Variants in SLC26A11 observed in about 807,000 individuals in gnomAD.
The protein encoded by SLC26A11 is solute carrier family 26 member 11, also known as sodium-independent sulfate anion transporter.
SLC26A11 carries 58 observed loss-of-function variants against 62.2 expected under a neutral mutation model. The observed-to-expected ratio is 0.93, with a 90% CI of 0.76 to 1.16. The LOEUF (loss-of-function observed/expected upper bound fraction) is 1.16, where lower values mean the gene tolerates loss of function less well. Among genes scored for constraint, SLC26A11 ranks in the 50% most tolerant of loss-of-function variants. The probability of loss-of-function intolerance (pLI) is 0.00; values close to 1 mark genes in which losing one functional copy is unlikely to be tolerated. For synonymous variants in SLC26A11, 411 were observed against 368.9 expected, an observed-to-expected ratio of 1.11 and a Z score of -1.31; for missense variants, 790 against 794.3, an observed-to-expected ratio of 0.99 and a Z score of 0.06.
chr17:80,234,314 T>C (rs1335448639), intron 7 of SLC26A11, among the ~76,000 whole-genome samples: 1 of 152,216 alleles, frequency 6.6e-6, no homozygotes, highest in African/African-American at 2.4e-5. Context: ...CTCAGGACTT[T>C]AAAGATGCTA....
At position 80,221,566 on chromosome 17, in the gene SLC26A11, T is replaced by A; in HGVS notation, c.6T>A (p.Pro2=). The change falls in exon 3 of 18, where the codon CCT becomes CCA. Residue 2 remains proline, a synonymous_variant. Coordinates refer to ENST00000361193, the MANE Select transcript of SLC26A11 (RefSeq NM_001166347.2). The part of the protein sequence containing the change: M[P]SSVTALGQAR... ...CCCCCAGCCCCACCGTAGAGATGCC[T>A]TCTTCGGTGACGGCGCTGGGTCAGG... 6.3e-7 allele frequency: 1 copy of A among 1,593,522 alleles called. No homozygotes were observed. Among genetic ancestry groups the A allele is most frequent in the Non-Finnish European group, 8.5e-7 (1 of 1,174,268 alleles).
At chr17:80,251,498 C>T (rs1218512588) in intron 17 of SLC26A11, 97 bp downstream of exon 17, 4 of 1,500,258 alleles carry the variant, frequency 2.7e-6, no homozygotes, top group Middle Eastern at 2.1e-4. Context: ...CACAGTGGCT[C>T]ATGCCTGTAA....
At chr17:80,249,332 G>A (rs760730174) in intron 16 of SLC26A11, 45 bp downstream of exon 16, 1 of 1,599,382 alleles carries the variant, frequency 6.3e-7, no homozygotes, top group South Asian at 1.1e-5. Context: ...GCTGCCGGAA[G>A]GCCTTCCTGT....
At position 80,231,167 on chromosome 17, in the gene SLC26A11, A is replaced by T. The variant is rs28707676; in HGVS notation, c.736+3207A>T. On this transcript the variant is annotated intron_variant, in intron 7 of 17. Coordinates refer to ENST00000361193, the MANE Select transcript of SLC26A11 (RefSeq NM_001166347.2). ...TTTTTTTTTTTTTTTTTCAAAAAAA[A>T]TTTTTTTTTTTTGAGACGGAGTTTC... Among the ~76,000 whole-genome samples the T allele has an allele frequency of 5.9e-3, 757 of 129,174 alleles. 4 individuals are homozygous for T. The highest frequency in any genetic ancestry group is 0.017 in the African/African-American group (573 of 33,350). 84.7% of individuals were successfully genotyped at this position (129,174 alleles called of 152,430 possible). A position where few individuals can be genotyped will look rare whatever the true frequency, so the allele number is the denominator to read the frequency against.
chr17:80,246,336 GC>G lies in SLC26A11; in HGVS notation c.1153+129del. 1 of 1,423,238 alleles carries G rather than the reference GC, an allele frequency of 7.0e-7. No homozygotes were observed. The highest frequency in any genetic ancestry group is 2.3e-5 in the East Asian group (1 of 42,978). The allele number at this position is 1,423,238 out of a possible 1,614,324, so 88.2% of individuals were successfully genotyped here. A position where few individuals can be genotyped will look rare whatever the true frequency, so the allele number is the denominator to read the frequency against. On this transcript the variant is annotated intron_variant, in intron 12 of 17. Coordinates refer to ENST00000361193, the MANE Select transcript of SLC26A11 (RefSeq NM_001166347.2). The surrounding 1 kb of genome is among the most constrained non-coding windows in gnomAD (Gnocchi z 4.4). Reference sequence around the variant, plus strand: ...CCGGGACTGCACAGGGACTTGGGGGGCCACACAGGAGTAGGGGGACCACAGG... The same window carrying G: ...CCGGGACTGCACAGGGACTTGGGGGGCACACAGGAGTAGGGGGACCACAGG...
rs1236373855 is a variant in SLC26A11 at position 80,228,154 on chromosome 17, A to G, written c.736+194A>G. 6.6e-6 allele frequency among the ~76,000 whole-genome samples: 1 copy of G among 151,996 alleles called. No homozygotes were observed. The highest frequency in any genetic ancestry group is 1.5e-5 in the Non-Finnish European group (1 of 68,004). On this transcript the variant is annotated intron_variant, in intron 7 of 17. Coordinates refer to ENST00000361193, the MANE Select transcript of SLC26A11 (RefSeq NM_001166347.2). This position sits in a 1 kb window ranked among gnomAD's most constrained non-coding sequence, Gnocchi z 4.1. The stretch of plus-strand genomic sequence containing the variant: ...ATTAATTAATTAATTATTTTTTGAG[A>G]CAGAGTTTCGCTCTGTCGCCCAGGC...
Position 80,237,526 on chromosome 17 carries a change from T to C in SLC26A11, c.917T>C (p.Met306Thr). 4 of 1,610,472 alleles carry C rather than the reference T, an allele frequency of 2.5e-6. No homozygotes were observed. The highest frequency in any genetic ancestry group is 2.5e-6 in the Non-Finnish European group (3 of 1,178,620). The change falls in exon 9 of 18, where the codon ATG becomes ACG. Residue 306 changes from methionine (M) to threonine (T), a missense_variant. Coordinates refer to ENST00000361193, the MANE Select transcript of SLC26A11 (RefSeq NM_001166347.2). ...CATCCCTCTCTCCTCTCTCAGGACA[T>C]GGGAGCCGGGCTGGCCGTGGTGCCC... ...TISFTEMVQD[M>T]GAGLAVVPLM...
At position 80,228,177 on chromosome 17, in the gene SLC26A11, G is replaced by A. The variant is rs1202000646; in HGVS notation, c.736+217G>A. ...AGACAGAGTTTCGCTCTGTCGCCCA[G>A]GCTGGAGTACAGTGGTGTGATATTG... On this transcript the variant is annotated intron_variant, in intron 7 of 17. Transcript: ENST00000361193. This position sits in a 1 kb window ranked among gnomAD's most constrained non-coding sequence, Gnocchi z 4.1. Among the ~76,000 whole-genome samples, 5 of 152,128 alleles carry A rather than the reference G, an allele frequency of 3.3e-5. No homozygotes were observed. The highest frequency in any genetic ancestry group is 1.2e-4 in the African/African-American group (5 of 41,414).
intron 7 of SLC26A11, among the ~76,000 whole-genome samples, chr17:80,236,217 T>C (rs2042685912): frequency 6.6e-6 from 1 of 152,194 alleles, no homozygotes; most frequent in Non-Finnish European, 1.5e-5. Context: ...GTTTGGGTCA[T>C]TTTCGCCCAG....
chr17:80,245,456 A>G, intron 11 of SLC26A11, 200 bp downstream of exon 11: 2 of 579,780 alleles, frequency 3.4e-6, no homozygotes, highest in South Asian at 3.9e-5. Context: ...CTGCAGTTTC[A>G]TACTAGAAAG....
intron 10 of SLC26A11, among the ~76,000 whole-genome samples, chr17:80,243,466 C>T (rs1385570704): frequency 2.0e-5 from 3 of 152,158 alleles, no homozygotes; most frequent in South Asian, 2.1e-4. Context: ...GGCACGGTCT[C>T]GGCTTTCTGC....
intron 3 of SLC26A11, 137 bp downstream of exon 3, chr17:80,221,931 C>G (rs1261569207): frequency 3.3e-6 from 3 of 914,138 alleles, no homozygotes; most frequent in African/African-American, 1.7e-5. Flanking sequence ...GTGTGTGACG[C>G]AGATTGTCTC....
intron 7 of SLC26A11, among the ~76,000 whole-genome samples, chr17:80,236,325 G>A (rs1033251732): frequency 2.6e-4 from 39 of 152,162 alleles, no homozygotes; most frequent in African/African-American, 8.4e-4. Context: ...GTGACCTTGC[G>A]GTCAGCTCCA....
intron 8 of SLC26A11, 107 bp downstream of exon 8, chr17:80,237,210 A>C: frequency 2.3e-6 from 3 of 1,291,880 alleles, no homozygotes; most frequent in Non-Finnish European, 3.2e-6. Flanking sequence ...GAGGTCAGTT[A>C]GGACAGCTGA....
chr17:80,225,988 TCA>T, intron 6 of SLC26A11, 72 bp downstream of exon 6: 1 of 1,408,482 alleles, frequency 7.1e-7, no homozygotes, highest in Non-Finnish European at 1.0e-6. Context: ...GGCCCCCACC[TCA>T]GTTTCCCCAC....
chr17:80,246,550 T>G lies in SLC26A11; in HGVS notation c.1195T>G (p.Phe399Val). Residue 399 changes from phenylalanine (F) to valine (V), a missense_variant, in exon 13 of 18, where the codon TTC becomes GTC. Transcript: ENST00000361193. This position sits in a 1 kb window ranked among gnomAD's most constrained non-coding sequence, Gnocchi z 4.4. The part of the protein sequence containing the change: ...LLSLDYLTSL[F>V]YYIPKSALAA... ...GTCTCTGGACTACCTGACCTCACTG[T>G]TCTACTACATCCCCAAGTCTGCCCT... 6.2e-7 allele frequency: 1 copy of G among 1,613,572 alleles called. No individual in the cohort carries two copies. Among genetic ancestry groups the G allele is most frequent in the Non-Finnish European group, 8.5e-7 (1 of 1,180,016 alleles).
rs774686697 is a variant in SLC26A11, at chr17:80,251,332, C to T, written c.1660C>T (p.Pro554Ser). 5 of 1,613,954 alleles carry T rather than the reference C, an allele frequency of 3.1e-6. No individual in the cohort carries two copies. The highest frequency in any genetic ancestry group is 1.3e-5 in the African/African-American group (1 of 74,910). The change falls in exon 17 of 18, where the codon CCC becomes TCC. Residue 554 changes from proline to serine, a missense_variant. Pro to Ser is a moderately conservative substitution (Grantham distance 74). Transcript: ENST00000361193. ...CTAAAGTCTGTCTGTCTCTCAGGTC[C>T]CCGTTCTCCGTGTCCTGCTGTCCGC... ...VALAFVGLQV[P>S]VLRVLLSADL...
chr17:80,222,581 C>G lies in SLC26A11; in HGVS notation c.235-74C>G. On this transcript the variant is annotated intron_variant, in intron 3 of 17. Coordinates refer to ENST00000361193, the MANE Select transcript of SLC26A11 (RefSeq NM_001166347.2). This position sits in a 1 kb window ranked among gnomAD's most constrained non-coding sequence, Gnocchi z 4.7. The stretch of plus-strand genomic sequence containing the variant: ...ACAGCTGACACCCACACATCCCGAG[C>G]TTGGACACGCACACTAGGGAGCTGG... The G allele has an allele frequency of 6.8e-7, 1 of 1,468,444 alleles. No homozygotes were observed. Among genetic ancestry groups the G allele is most frequent in the African/African-American group, 1.4e-5 (1 of 72,302 alleles). The allele number at this position is 1,468,444 out of a possible 1,614,324, so 91.0% of individuals were successfully genotyped here.
intron 5 of SLC26A11, among the ~76,000 whole-genome samples, chr17:80,225,065 T>C (rs2042370721): frequency 6.6e-6 from 1 of 152,104 alleles, no homozygotes. Flanking sequence ...AAGTGCAAGC[T>C]GTGCCTGCAC....
Sources: allele counts gnomAD v4.1 joint callset (sites outside exome capture counted in the v4.1 genomes callset), GRCh38; gene constraint gnomAD v4.1.1; non-coding constraint Gnocchi (gnomAD v3.1); transcripts MANE v1.5; gene names NCBI Gene and HGNC (gene_info 2026-07-23, HGNC 2026-07-21).